SAMSN1: variants seen among roughly 807,000 people sequenced by gnomAD.
SAMSN1 encodes the protein SAM domain-containing protein SAMSN-1.
SAMSN1 carries 31 observed loss-of-function variants against 42.0 expected under a neutral mutation model. The ratio of observed to expected loss-of-function variants is 0.74; its 90% CI spans 0.55 to 1.00. SAMSN1 has a LOEUF of 1.00. Ranked by LOEUF, SAMSN1 falls within the 50% of genes least tolerant of loss-of-function variation. The pLI, the probability that SAMSN1 is intolerant of heterozygous loss-of-function variation, is 0.00. For missense variants in SAMSN1, 464 were observed against 439.4 expected (o/e 1.06, Z -0.50); for synonymous variants, 178 against 151.9 (o/e 1.17, Z -1.26).
At chr21:14,552,308 A>G (rs1188766156) in intron 2 of SAMSN1, among the ~76,000 whole-genome samples, 1 of 152,130 alleles carries the variant, frequency 6.6e-6, no homozygotes, top group East Asian at 1.9e-4. Context: ...ACTTTATGAA[A>G]TTCCTTTCTA....
chr21:14,615,415 A>G (rs1982810233), intron 3 of SAMSN1, among the ~76,000 whole-genome samples: 2 of 152,208 alleles, frequency 1.3e-5, no homozygotes, highest in Admixed American at 6.5e-5. Flanking sequence ...GCCTCAGACC[A>G]ATCCAGGGTG....
At chr21:14,536,930 A>C (rs2822757) in intron 1 of SAMSN1, among the ~76,000 whole-genome samples, 38,502 of 152,058 alleles carry the variant, frequency 0.25, 5,274 homozygotes, top group Admixed American at 0.4. Flanking sequence ...TCTCAACACC[A>C]AAGTCAACTG....
chr21:14,489,257 G>A (rs1241777273), intron 7 of SAMSN1, among the ~76,000 whole-genome samples: 3 of 152,114 alleles, frequency 2.0e-5, no homozygotes, highest in African/African-American at 7.2e-5. Flanking sequence ...TAAGAAACAG[G>A]TTTGCCTACA....
intron 3 of SAMSN1, among the ~76,000 whole-genome samples, chr21:14,615,169 A>G (rs1982803776): frequency 6.6e-6 from 1 of 152,212 alleles, no homozygotes; most frequent in Non-Finnish European, 1.5e-5. Flanking sequence ...TTCAAATGCC[A>G]GTGTTGTAGT....
intron 2 of SAMSN1, among the ~76,000 whole-genome samples, chr21:14,631,504 A>C (rs1983327375): frequency 2.0e-5 from 3 of 152,206 alleles, no homozygotes; most frequent in South Asian, 4.1e-4. Context: ...AGTAGCTGGG[A>C]TTACAGGTGC....
In SAMSN1 at chr21:14,530,378, G is replaced by A. The variant is rs190217319; in HGVS notation, c.58-9157C>T. Reference sequence around the variant, plus strand: ...AAATCCGAAGATTGTGATTGCTAAAGTTATGATAAGTAAGAAAGGTAGTGG... The same window carrying A: ...AAATCCGAAGATTGTGATTGCTAAAATTATGATAAGTAAGAAAGGTAGTGG... On this transcript the variant is annotated intron_variant, in intron 1 of 7. Transcript: ENST00000400566. 5.8e-4 allele frequency among the ~76,000 whole-genome samples: 88 copies of A among 151,072 alleles called. No homozygotes were observed. The East Asian group carries it at 7.2e-3, about 12-fold the overall frequency.
chr21:14,656,834 C>T (rs1983924283), intron 1 of SAMSN1, among the ~76,000 whole-genome samples: 1 of 151,830 alleles, frequency 6.6e-6, no homozygotes, highest in Non-Finnish European at 1.5e-5. Flanking sequence ...CTTTCTTTAG[C>T]AGTGATCTTT....
chr21:14,617,297 C>T (rs1405498699), intron 2 of SAMSN1, among the ~76,000 whole-genome samples: 1 of 152,148 alleles, frequency 6.6e-6, no homozygotes, highest in Non-Finnish European at 1.5e-5. Flanking sequence ...ATCCTGTGCC[C>T]TAAAAGTATG....
At chr21:14,537,489 A>T (rs1461128212) in intron 1 of SAMSN1, among the ~76,000 whole-genome samples, 4 of 152,148 alleles carry the variant, frequency 2.6e-5, no homozygotes, top group Non-Finnish European at 5.9e-5. Flanking sequence ...TCACCTTGGT[A>T]TCGCCAGTGT....
chr21:14,611,532 G>C lies in SAMSN1; in HGVS notation c.235+1344C>G, dbSNP rs1298283. On this transcript the variant is annotated intron_variant, in intron 4 of 15. Coordinates refer to the SAMSN1 transcript ENST00000647101. ...TATAGAAAAGGCAGTTGATCATCAA[G>C]AACTGTGTTAGGATAGAAATATTGG... 9.4e-3 allele frequency among the ~76,000 whole-genome samples: 1,435 copies of C among 152,348 alleles called. 12 individuals are homozygous for C. Among genetic ancestry groups the C allele is most frequent in the Non-Finnish European group, 0.016 (1,067 of 68,028 alleles).
rs1231773629 is a variant in SAMSN1, at chr21:14,582,403, C to T, written c.-7G>A. 1.9e-6 allele frequency: 3 copies of T among 1,549,914 alleles called. No homozygotes were observed. The South Asian group carries it at 3.6e-5, about 18-fold the overall frequency. On this transcript the variant is annotated 5_prime_UTR_variant, in exon 2 of 9. Coordinates refer to the SAMSN1 transcript ENST00000285670. The stretch of plus-strand genomic sequence containing the variant: ...TATCCAATCTAATCTCCATTTCTTC[C>T]TTCCTCCTCGTGCTAACACTATTCA...
chr21:14,522,077 A>G (rs1447030150), intron 1 of SAMSN1, among the ~76,000 whole-genome samples: 2 of 152,212 alleles, frequency 1.3e-5, no homozygotes. Flanking sequence ...CACATTTAAC[A>G]TAGAATTACA....
exon 2 of SAMSN1, chr21:14,582,390 T>A (rs1324180839): frequency 1.3e-6 from 2 of 1,550,280 alleles, no homozygotes; most frequent in Non-Finnish European, 1.7e-6. Flanking sequence ...TCCAATCTAA[T>A]CTCCATTTCT....
At chr21:14,583,885 C>T, upstream of SAMSN1, 1 of 585,374 alleles carries the variant, frequency 1.7e-6, no homozygotes, top group Non-Finnish European at 3.1e-6. Context: ...GACCTTAAAA[C>T]CTGAAGCCTG....
intron 5 of SAMSN1, among the ~76,000 whole-genome samples, chr21:14,608,039 A>C (rs1282580614): frequency 6.6e-6 from 1 of 152,194 alleles, no homozygotes; most frequent in Admixed American, 6.5e-5. Context: ...CATGATAGAG[A>C]GGGAAGTGGA....
At chr21:14,557,646 A>T (rs1342536554) in intron 2 of SAMSN1, among the ~76,000 whole-genome samples, 2 of 152,162 alleles carry the variant, frequency 1.3e-5, no homozygotes, top group Non-Finnish European at 2.9e-5. Flanking sequence ...TTCTGCTTTC[A>T]CTTAGATTTA....
At chr21:14,616,187 A>T (rs1014836985) in intron 2 of SAMSN1, among the ~76,000 whole-genome samples, 2 of 152,126 alleles carry the variant, frequency 1.3e-5, no homozygotes, top group Non-Finnish European at 2.9e-5. Context: ...GTATTTTAGT[A>T]ATGTGTCACA....
At chr21:14,546,613 G>C (rs1025843481), upstream of SAMSN1, among the ~76,000 whole-genome samples, 2 of 145,326 alleles carry the variant, frequency 1.4e-5, no homozygotes, top group Non-Finnish European at 3.0e-5. Flanking sequence ...GTAGAAAAAA[G>C]AAAAAATCGG....
At chr21:14,651,354 C>G (rs1983833699) in intron 1 of SAMSN1, among the ~76,000 whole-genome samples, 1 of 151,938 alleles carries the variant, frequency 6.6e-6, no homozygotes, top group Non-Finnish European at 1.5e-5. Context: ...TGAGATTTAT[C>G]CCAGGGATGC....
Sources: allele counts gnomAD v4.1 joint callset (sites outside exome capture counted in the v4.1 genomes callset), GRCh38; gene constraint gnomAD v4.1.1; transcripts MANE v1.5; gene names NCBI Gene and HGNC (gene_info 2026-07-23, HGNC 2026-07-21).